Variants in EIF5B observed in about 807,000 individuals in gnomAD.
EIF5B encodes eukaryotic translation initiation factor 5B, also known as eIF-5B.
In EIF5B, 47 loss-of-function variants were observed where a neutral mutation model predicts 147.5. The ratio of observed to expected loss-of-function variants is 0.32; its 90% CI spans 0.25 to 0.41. EIF5B has a LOEUF of 0.41. EIF5B is among the 10% of genes least tolerant of loss of function. The probability of loss-of-function intolerance (pLI) is 1.00; values close to 1 mark genes in which losing one functional copy is unlikely to be tolerated. For missense variants in EIF5B, 1,064 were observed against 1,413.2 expected (o/e 0.75, Z 3.96); for synonymous variants, 455 against 456.2 (o/e 1.00, Z 0.03).
At chr2:99,352,843 G>A (rs1445880342) in intron 1 of EIF5B, among the ~76,000 whole-genome samples, 1 of 151,660 alleles carries the variant, frequency 6.6e-6, no homozygotes, top group Non-Finnish European at 1.5e-5. Flanking sequence ...TCATATAGTT[G>A]AGACAGGGTC....
intron 7 of EIF5B, 49 bp from the exon 8 acceptor site, chr2:99,369,343 A>C: frequency 1.4e-6 from 2 of 1,480,222 alleles, no homozygotes; most frequent in Non-Finnish European, 1.9e-6. Context: ...ATCTTAACAG[A>C]AATTATACAC....
chr2:99,398,687 A>G, intron 22 of EIF5B, 61 bp from the exon 23 acceptor site: 13 of 1,501,786 alleles, frequency 8.7e-6, no homozygotes, highest in East Asian at 2.3e-5. Flanking sequence ...CTATCCAGCC[A>G]TGGCGCCTGT....
chr2:99,344,874 T>G (rs1167251894), intron 1 of EIF5B, among the ~76,000 whole-genome samples: 1 of 152,234 alleles, frequency 6.6e-6, no homozygotes, highest in Non-Finnish European at 1.5e-5. Flanking sequence ...TCATTTCATA[T>G]GTATTCTGCC....
rs747083956 is a variant in EIF5B at position 99,363,755 on chromosome 2, A to C, written c.1030A>C (p.Met344Leu). 3 of 1,614,034 alleles carry C rather than the reference A, an allele frequency of 1.9e-6. No homozygotes were observed. Among genetic ancestry groups the C allele is most frequent in the Non-Finnish European group, 2.5e-6 (3 of 1,180,002 alleles). The change falls in exon 5 of 24, where the codon ATG becomes CTG. Residue 344 changes from methionine to leucine, a missense_variant. Around this residue, in one of 4 missense-constraint regions of EIF5B, gnomAD observed 458 missense variants for 451.3 expected, o/e 1.01. Transcript: ENST00000289371. ...ACCTAGCAAAGCCACTGTTAAAGCT[A>C]TGCAAGAAGCTCTGGCTAAGCTTAA... is the stretch of plus-strand genomic sequence containing the variant. ...KGPSKATVKA[M>L]QEALAKLKEE...
At chr2:99,380,431 CTGAG>C (rs1674664635) in intron 12 of EIF5B, among the ~76,000 whole-genome samples, 1 of 152,154 alleles carries the variant, frequency 6.6e-6, no homozygotes, top group African/African-American at 2.4e-5. Context: ...TATTATTGTG[CTGAG>C]ATAGTCCCAT....
rs148417216 is a variant in EIF5B, at chr2:99,346,119, A to C, written c.35+8530A>C. Among the ~76,000 whole-genome samples the C allele has an allele frequency of 2.5e-3, 377 of 152,300 alleles. 4 individuals are homozygous for C. Among genetic ancestry groups the C allele is most frequent in the African/African-American group, 8.7e-3 (361 of 41,562 alleles). ...CCTCGAGATTTCACATTTGCCTCTT[A>C]AAGTTATTGTTTATGCATCTTTAAA... On this transcript the variant is annotated intron_variant, in intron 1 of 23. Coordinates refer to ENST00000289371, the MANE Select transcript of EIF5B (RefSeq NM_015904.4).
chr2:99,339,232 C>T (rs1027178038), intron 1 of EIF5B, among the ~76,000 whole-genome samples: 2 of 151,572 alleles, frequency 1.3e-5, no homozygotes, highest in African/African-American at 4.8e-5. Context: ...AGGCTGGTCT[C>T]GAACTCCCGA....
chr2:99,378,908 G>T, intron 10 of EIF5B, 111 bp from the exon 11 acceptor site: 1 of 771,322 alleles, frequency 1.3e-6, no homozygotes, highest in Non-Finnish European at 2.0e-6. Context: ...AATCAACAAA[G>T]AACTTGGATG....
intron 1 of EIF5B, among the ~76,000 whole-genome samples, chr2:99,337,943 G>C (rs1332328075): frequency 1.3e-5 from 2 of 152,254 alleles, no homozygotes; most frequent in African/African-American, 4.8e-5. Flanking sequence ...TGGCGAGGGT[G>C]GGGAAGTTCT....
chr2:99,337,769 C>A (rs1003899953), intron 1 of EIF5B, among the ~76,000 whole-genome samples, 180 bp downstream of exon 1: 1 of 152,126 alleles, frequency 6.6e-6, no homozygotes, highest in Non-Finnish European at 1.5e-5. Flanking sequence ...CACGTAGGGC[C>A]TCGACGGCGG....
At chr2:99,366,858 T>G (rs1337777079) in intron 6 of EIF5B, among the ~76,000 whole-genome samples, 8 of 152,170 alleles carry the variant, frequency 5.3e-5, no homozygotes, top group Non-Finnish European at 1.0e-4. Context: ...ATTAATACAG[T>G]GTGATATTGC....
At chr2:99,397,589 A>G (rs1380503214) in intron 22 of EIF5B, 1 of 152,234 alleles carries the variant, frequency 6.6e-6, no homozygotes, top group Non-Finnish European at 1.5e-5. Flanking sequence ...ATTATTGGAA[A>G]GACACTCATG....
At chr2:99,349,243 TAA>T (rs1220810942) in intron 1 of EIF5B, among the ~76,000 whole-genome samples, 1 of 152,184 alleles carries the variant, frequency 6.6e-6, no homozygotes, top group Non-Finnish European at 1.5e-5. Flanking sequence ...CTGCAGTGGG[TAA>T]AGAGGCATTG....
intron 1 of EIF5B, among the ~76,000 whole-genome samples, chr2:99,345,591 CAAAA>C (rs34437423): frequency 3.0e-5 from 1 of 33,176 alleles, no homozygotes; most frequent in African/African-American, 8.6e-5. Context: ...GAGACTGTCT[CAAAA>C]AAAAAAAAAA....
rs1269021209 is a variant in EIF5B at position 99,386,580 on chromosome 2, T to C, written c.2272-3138T>C. Among the ~76,000 whole-genome samples the C allele has an allele frequency of 2.7e-5, 4 of 148,922 alleles. No individual in the cohort carries two copies. In the East Asian group the frequency reaches 8.0e-4, roughly 30 times the overall value. On this transcript the variant is annotated intron_variant, in intron 14 of 23. Transcript: ENST00000289371. ...TCTCTTGCTGTTGCCCAGGCTGGAG[T>C]GCAGTGTGGCGCACTCTTGGTTAAC...
chr2:99,384,196 C>CAAAAAAATAA (rs1674751581), intron 14 of EIF5B, among the ~76,000 whole-genome samples: 1 of 117,510 alleles, frequency 8.5e-6, no homozygotes, highest in South Asian at 2.7e-4. Context: ...GACTCCGTCT[C>CAAAAAAATAA]AAAAAAAAAA....
chr2:99,390,257 C>T lies in EIF5B; in HGVS notation c.2442C>T (p.Pro814=), dbSNP rs748433043. The T allele has an allele frequency of 1.2e-6, 2 of 1,614,004 alleles. No individual in the cohort carries two copies. The highest frequency in any genetic ancestry group is 1.7e-6 in the Non-Finnish European group (2 of 1,179,980). Residue 814 remains proline, a synonymous_variant, in exon 16 of 24, where the codon CCC becomes CCT. Coordinates refer to ENST00000289371, the MANE Select transcript of EIF5B (RefSeq NM_015904.4). The part of the protein sequence containing the change: ...NAALFYENKD[P]RTFVSLVPTS... ...CTTTGTTTTATGAGAATAAAGATCC[C>T]CGCACTTTTGTGTCTTTGGTACCTA...
chr2:99,394,544 A>G lies in EIF5B; in HGVS notation c.3048A>G (p.Lys1016=). The change falls in exon 20 of 24, where the codon AAA becomes AAG. Residue 1016 remains lysine, a synonymous_variant. Transcript: ENST00000289371. Reference sequence around the variant, plus strand: ...TTAACATTGGCCCAGTGCATAAAAAAGATGTTATGAAGGCTTCAGTGATGT... The same window carrying G: ...TTAACATTGGCCCAGTGCATAAAAAGGATGTTATGAAGGCTTCAGTGATGT... The part of the protein sequence containing the change: ...AGINIGPVHK[K]DVMKASVMLE... The G allele has an allele frequency of 6.2e-7, 1 of 1,614,218 alleles. No homozygotes were observed. The highest frequency in any genetic ancestry group is 2.2e-5 in the East Asian group (1 of 44,884).
chr2:99,353,410 C>T (rs963465203), intron 1 of EIF5B, among the ~76,000 whole-genome samples: 1 of 152,092 alleles, frequency 6.6e-6, no homozygotes, highest in Non-Finnish European at 1.5e-5. Flanking sequence ...CCACCCACCT[C>T]GGCTTCCCAA....
Sources: gnomAD v4.1 joint callset for allele counts (sites outside exome capture counted in the v4.1 genomes callset) on GRCh38, gnomAD v4.1.1 for gene constraint, gnomAD v4.1.1 regional missense constraint, MANE v1.5 for transcripts, NCBI Gene and HGNC (gene_info 2026-07-23, HGNC 2026-07-21) for gene names.